The following PSMD1 variants were observed in gnomAD, a reference collection of about 807,000 sequenced individuals.
PSMD1 encodes 26S proteasome non-ATPase regulatory subunit 1.
In PSMD1, 18 loss-of-function variants were observed where a neutral mutation model predicts 119.0. The ratio of observed to expected loss-of-function variants is 0.15; its 90% confidence interval spans 0.10 to 0.22. PSMD1 has a LOEUF of 0.22. PSMD1 is among the 10% of genes least tolerant of loss of function. The probability of loss-of-function intolerance (pLI) is 1.00; values close to 1 mark genes in which losing one functional copy is unlikely to be tolerated. For missense variants in PSMD1, 702 were observed against 1,158.5 expected (o/e 0.61, Z 5.72); for synonymous variants, 374 against 396.6 (o/e 0.94, Z 0.68).
Position 231,064,936 on chromosome 2 carries a change from A to G in PSMD1, c.305-1970A>G, listed in dbSNP as rs975557555. Among the ~76,000 whole-genome samples, 5 of 151,952 alleles carry G rather than the reference A, an allele frequency of 3.3e-5. No homozygotes were observed. The South Asian group carries it at 8.3e-4, about 25-fold the overall frequency. On this transcript the variant is annotated intron_variant, in intron 4 of 24. Coordinates refer to ENST00000308696, the MANE Select transcript of PSMD1 (RefSeq NM_002807.4). ...CTCGGCTTCCCAAGATTTTGGGATTACAGATGTGAGCCACTGACCCAACCC... is the reference window on the plus strand; with the variant it reads ...CTCGGCTTCCCAAGATTTTGGGATTGCAGATGTGAGCCACTGACCCAACCC...
Position 231,170,430 on chromosome 2 carries a change from A to G in PSMD1, c.2716-136A>G. The G allele has an allele frequency of 3.4e-6, 3 of 892,164 alleles. No homozygotes were observed. The highest frequency in any genetic ancestry group is 4.9e-6 in the Non-Finnish European group (3 of 618,192). 55.3% of individuals were successfully genotyped at this position (892,164 alleles called of 1,614,324 possible). On this transcript the variant is annotated intron_variant, in intron 23 of 24. Coordinates refer to ENST00000308696, the MANE Select transcript of PSMD1 (RefSeq NM_002807.4). This position sits in a 1 kb window ranked among gnomAD's most constrained non-coding sequence, Gnocchi z 4.1. ...TATAGATCACAGTTATCTTTATCCC[A>G]GTAAAGTTCTACTCCAGTTTTTCAC...
chr2:231,146,168 T>C, intron 17 of PSMD1, 72 bp from the exon 18 acceptor site: 1 of 1,012,370 alleles, frequency 9.9e-7, no homozygotes, highest in Non-Finnish European at 1.6e-6. Flanking sequence ...TTACATGGCA[T>C]GTGACTATAA....
chr2:231,064,415 A>G (rs1241890595), intron 4 of PSMD1, among the ~76,000 whole-genome samples: 1 of 152,242 alleles, frequency 6.6e-6, no homozygotes, highest in Non-Finnish European at 1.5e-5. Flanking sequence ...TATGACATAT[A>G]TGCAAACCTG....
chr2:231,128,627 T>G (rs1695783678), intron 16 of PSMD1, among the ~76,000 whole-genome samples: 1 of 152,244 alleles, frequency 6.6e-6, no homozygotes, highest in Non-Finnish European at 1.5e-5. Context: ...TTATCATTCC[T>G]TTCCACAATT....
At chr2:231,108,581 A>G (rs1695035361) in intron 16 of PSMD1, 2 of 1,613,958 alleles carry the variant, frequency 1.2e-6, no homozygotes, top group Non-Finnish European at 1.7e-6. Context: ...AAGCGTATCT[A>G]GTAGAATGAT....
intron 1 of PSMD1, among the ~76,000 whole-genome samples, chr2:231,058,067 A>G (rs1693654205): frequency 6.6e-6 from 1 of 152,212 alleles, no homozygotes; most frequent in South Asian, 2.1e-4. Context: ...GTTACTTTCA[A>G]ACATTTGAAG....
At chr2:231,139,314 CTTTTTTTT>C (rs60709158) in intron 17 of PSMD1, among the ~76,000 whole-genome samples, 12 of 93,542 alleles carry the variant, frequency 1.3e-4, no homozygotes, top group East Asian at 3.3e-4. Flanking sequence ...TTTTTTCTTT[CTTTTTTTT>C]TTTTTTTTTT....
intron 16 of PSMD1, among the ~76,000 whole-genome samples, chr2:231,131,618 C>T (rs1274812290): frequency 2.1e-5 from 2 of 93,876 alleles, no homozygotes; most frequent in Non-Finnish European, 3.6e-5. Context: ...AAAAATTAGC[C>T]GGGCGTAGTG....
At chr2:231,098,284 C>T (rs892235794) in intron 16 of PSMD1, among the ~76,000 whole-genome samples, 1 of 152,214 alleles carries the variant, frequency 6.6e-6, no homozygotes, top group East Asian at 1.9e-4. Flanking sequence ...TATAGGGTCA[C>T]GGAGAAGACC....
rs556351647 is a variant in PSMD1, at chr2:231,056,925, G to A, written c.-101G>A. On this transcript the variant is annotated 5_prime_UTR_variant, in exon 1 of 25. Transcript: ENST00000308696. Reference sequence around the variant, plus strand: ...GGCGACTGACTGAGCAGCGCACCCGGGGAGCAAGGAGGCGCGGTGAACTGA... The same window carrying A: ...GGCGACTGACTGAGCAGCGCACCCGAGGAGCAAGGAGGCGCGGTGAACTGA... 9.5e-6 allele frequency: 14 copies of A among 1,477,700 alleles called. No homozygotes were observed. In the South Asian group the frequency reaches 1.6e-4, roughly 17 times the overall value. 91.5% of individuals were successfully genotyped at this position (1,477,700 alleles called of 1,614,324 possible).
Position 231,096,569 on chromosome 2 carries a change from A to T in PSMD1, c.1883+9388A>T, listed in dbSNP as rs552536754. Among the ~76,000 whole-genome samples the T allele has an allele frequency of 1.8e-4, 28 of 152,344 alleles. No individual in the cohort carries two copies. In the South Asian group the frequency reaches 5.6e-3, roughly 30 times the overall value. On this transcript the variant is annotated intron_variant, in intron 16 of 24. Coordinates refer to ENST00000308696, the MANE Select transcript of PSMD1 (RefSeq NM_002807.4). Reference sequence around the variant, plus strand: ...TTCGGGGAACCACGGGTTATGGGAAACAACTGTTACATATAAAGTTTCGGT... The same window carrying T: ...TTCGGGGAACCACGGGTTATGGGAATCAACTGTTACATATAAAGTTTCGGT...
chr2:231,121,049 A>G (rs943451394), intron 16 of PSMD1, among the ~76,000 whole-genome samples: 13 of 152,220 alleles, frequency 8.5e-5, no homozygotes, highest in Non-Finnish European at 1.8e-4. Context: ...GTTAGAGGGC[A>G]ACATGTGTTT....
At chr2:231,108,644 G>T in intron 16 of PSMD1, 2 of 1,614,052 alleles carry the variant, frequency 1.2e-6, no homozygotes, top group Non-Finnish European at 1.7e-6. Context: ...CTGGTACATG[G>T]CAGGGTTAAT....
At chr2:231,090,720 G>A (rs1410603059) in intron 16 of PSMD1, among the ~76,000 whole-genome samples, 1 of 152,154 alleles carries the variant, frequency 6.6e-6, no homozygotes, top group Non-Finnish European at 1.5e-5. Flanking sequence ...ATCAACATTA[G>A]CAGCAGTCTA....
intron 15 of PSMD1, among the ~76,000 whole-genome samples, chr2:231,086,353 T>C (rs1694440470): frequency 6.6e-6 from 1 of 152,162 alleles, no homozygotes; most frequent in Non-Finnish European, 1.5e-5. Context: ...CCAGTTGAAA[T>C]GGTCTTAAGA....
intron 19 of PSMD1, among the ~76,000 whole-genome samples, chr2:231,160,721 C>T (rs1696617419): frequency 6.6e-6 from 1 of 152,176 alleles, no homozygotes; most frequent in Admixed American, 6.5e-5. Flanking sequence ...TGATACCCTT[C>T]AGGCCTAGTT....
intron 16 of PSMD1, among the ~76,000 whole-genome samples, chr2:231,093,614 T>C (rs1263590915): frequency 6.6e-6 from 1 of 152,188 alleles, no homozygotes; most frequent in Non-Finnish European, 1.5e-5. Context: ...TACATTACTA[T>C]TTACATTTTT....
chr2:231,092,083 AT>A (rs1035215393), intron 16 of PSMD1, among the ~76,000 whole-genome samples: 46 of 152,184 alleles, frequency 3.0e-4, no homozygotes, highest in African/African-American at 1.0e-3. Context: ...GGCCACAGCA[AT>A]ACTAGCAGTT....
chr2:231,064,324 C>A lies in PSMD1; in HGVS notation c.304+1649C>A, dbSNP rs896526900. Among the ~76,000 whole-genome samples, 67 of 152,270 alleles carry A rather than the reference C, an allele frequency of 4.4e-4. 1 individual carries two copies. The highest frequency in any genetic ancestry group is 1.6e-3 in the African/African-American group (65 of 41,552). On this transcript the variant is annotated intron_variant, in intron 4 of 24. Transcript: ENST00000308696. ...AACAGTACCTCCAGAAAATCCAGGACTCATAAATCTCCAAGTTATGACAAG... is the reference window on the plus strand; with the variant it reads ...AACAGTACCTCCAGAAAATCCAGGAATCATAAATCTCCAAGTTATGACAAG...
Sources: gnomAD v4.1 joint callset for allele counts (sites outside exome capture counted in the v4.1 genomes callset) on GRCh38, gnomAD v4.1.1 for gene constraint, Gnocchi (gnomAD v3.1) non-coding constraint, MANE v1.5 for transcripts, NCBI Gene and HGNC (gene_info 2026-07-23, HGNC 2026-07-21) for gene names.